The following EXOC4 variants were observed in gnomAD, a reference collection of about 807,000 sequenced individuals.
The protein encoded by EXOC4 is exocyst complex component 4, also known as SEC8-like 1.
EXOC4 carries 71 observed loss-of-function variants against 107.2 expected under a neutral mutation model. The observed-to-expected ratio is 0.66, with a 90% CI of 0.55 to 0.81. EXOC4 has a LOEUF of 0.81. Among genes scored for constraint, EXOC4 ranks in the 30% least tolerant of loss-of-function variants. The pLI is 0.00. For missense variants in EXOC4, 1,108 were observed against 1,189.6 expected, an observed-to-expected ratio of 0.93 and a Z score of 1.01; for synonymous variants, 456 against 441.2, an observed-to-expected ratio of 1.03 and a Z score of -0.42.
At chr7:133,698,670 A>G (rs1345722256) in intron 10 of EXOC4, among the ~76,000 whole-genome samples, 3 of 152,140 alleles carry the variant, frequency 2.0e-5, no homozygotes. Context: ...TTAAACTTAC[A>G]AAAACAGCAA....
intron 7 of EXOC4, among the ~76,000 whole-genome samples, chr7:133,460,773 G>A (rs1016614198): frequency 1.3e-5 from 2 of 152,210 alleles, no homozygotes; most frequent in East Asian, 3.9e-4. Flanking sequence ...AAGAGTTGGC[G>A]AAGTCAAGAA....
intron 17 of EXOC4, among the ~76,000 whole-genome samples, chr7:134,057,285 A>G (rs1465303424): frequency 6.6e-6 from 1 of 152,164 alleles, no homozygotes; most frequent in Non-Finnish European, 1.5e-5. Flanking sequence ...AATATAAGCA[A>G]TATGTTTTCT....
chr7:133,605,490 G>C (rs1020883746), intron 9 of EXOC4, among the ~76,000 whole-genome samples: 1 of 152,114 alleles, frequency 6.6e-6, no homozygotes, highest in Admixed American at 6.6e-5. Flanking sequence ...AAGTATAATG[G>C]AACCATGAAA....
chr7:133,390,853 A>C (rs1227092432), intron 7 of EXOC4, among the ~76,000 whole-genome samples: 3 of 152,222 alleles, frequency 2.0e-5, no homozygotes, highest in Non-Finnish European at 4.4e-5. Context: ...TCTGTGTTTT[A>C]TGAATACTTT....
intron 9 of EXOC4, among the ~76,000 whole-genome samples, chr7:133,516,461 C>T (rs980509047): frequency 5.9e-5 from 9 of 152,108 alleles, no homozygotes; most frequent in Middle Eastern, 3.2e-3. Context: ...TGTGGTCTTT[C>T]GTGACTGGCT....
intron 10 of EXOC4, chr7:133,733,397 C>G (rs959134512): frequency 1.3e-5 from 2 of 152,472 alleles, no homozygotes; most frequent in African/African-American, 4.8e-5. Flanking sequence ...GAGGCTGAGG[C>G]AGGAGAATCG....
In EXOC4 at chr7:133,267,070, C is replaced by T. The variant is rs1486650762; in HGVS notation, c.87-7912C>T. On this transcript the variant is annotated intron_variant, in intron 1 of 17. Transcript: ENST00000253861. ...TTAGCCCTGCATCTCTTTAGTCCCA[C>T]TTTCTCATTTGTATTTTACTTTTTA... 2.6e-5 allele frequency among the ~76,000 whole-genome samples: 4 copies of T among 152,296 alleles called. 1 individual carries two copies. The highest frequency in any genetic ancestry group is 2.6e-4 in the Admixed American group (4 of 15,298).
intron 13 of EXOC4, among the ~76,000 whole-genome samples, chr7:133,928,593 A>AACCCTCCTCCCGCTCCACGCTGC (rs1170793270): frequency 6.6e-6 from 1 of 152,050 alleles, no homozygotes; most frequent in Non-Finnish European, 1.5e-5. Flanking sequence ...TCCTCCCAGA[A>AACCCTCCTCCCGCTCCACGCTGC]ACCCTCCTCC....
intron 11 of EXOC4, chr7:133,895,332 A>G (rs1256503445): frequency 2.0e-5 from 7 of 350,024 alleles, no homozygotes; most frequent in Admixed American, 7.9e-5. Context: ...ACTGTCTGGC[A>G]CTCCCTAGTG....
chr7:133,691,390 C>T (rs1232511785), intron 10 of EXOC4, among the ~76,000 whole-genome samples: 2 of 152,108 alleles, frequency 1.3e-5, no homozygotes, highest in Admixed American at 6.5e-5. Context: ...TTATCTGTTC[C>T]TGGGAATGGG....
intron 7 of EXOC4, among the ~76,000 whole-genome samples, chr7:133,399,451 C>T (rs779420468): frequency 2.6e-5 from 4 of 152,304 alleles, no homozygotes; most frequent in Non-Finnish European, 2.9e-5. Context: ...GATTTGAGTG[C>T]GCGATTCTGT....
chr7:133,953,101 G>C (rs745780154), intron 14 of EXOC4, among the ~76,000 whole-genome samples: 1 of 152,132 alleles, frequency 6.6e-6, no homozygotes, highest in Non-Finnish European at 1.5e-5. Context: ...TTATATAAGT[G>C]ACGTCTTCTG....
intron 8 of EXOC4, among the ~76,000 whole-genome samples, chr7:133,478,742 C>G (rs1331615124): frequency 6.6e-6 from 1 of 152,094 alleles, no homozygotes; most frequent in Admixed American, 6.6e-5. Flanking sequence ...GCTATGTGTG[C>G]CTCTCTATTC....
At chr7:133,736,607 A>T (rs373346566) in intron 10 of EXOC4, among the ~76,000 whole-genome samples, 2 of 152,180 alleles carry the variant, frequency 1.3e-5, no homozygotes, top group Non-Finnish European at 2.9e-5. Context: ...AACATTCCCT[A>T]TGCCCATAAA....
chr7:133,561,497 A>G (rs1373551377), intron 9 of EXOC4, among the ~76,000 whole-genome samples: 1 of 152,176 alleles, frequency 6.6e-6, no homozygotes, highest in Non-Finnish European at 1.5e-5. Context: ...AAAATCATTT[A>G]TAGTGTGTTT....
chr7:134,028,971 G>T (rs1047626041), intron 17 of EXOC4, among the ~76,000 whole-genome samples: 5 of 152,192 alleles, frequency 3.3e-5, no homozygotes, highest in African/African-American at 1.2e-4. Flanking sequence ...GGATCCTCAG[G>T]TGGCCCCTTC....
At chr7:133,356,805 C>T (rs1796030899) in intron 6 of EXOC4, among the ~76,000 whole-genome samples, 1 of 152,106 alleles carries the variant, frequency 6.6e-6, no homozygotes, top group East Asian at 1.9e-4. Flanking sequence ...AGTAGTGAAA[C>T]CCTGTCTCTA....
At chr7:133,593,583 G>A (rs1364696926) in intron 9 of EXOC4, among the ~76,000 whole-genome samples, 2 of 152,112 alleles carry the variant, frequency 1.3e-5, no homozygotes, top group African/African-American at 2.4e-5. Context: ...ATTATCATAG[G>A]GGATGTTTAT....
At chr7:134,099,603 C>T in the EXOC4 span, among the ~76,000 whole-genome samples, 2 of 145,332 alleles carry the variant, frequency 1.4e-5, no homozygotes, top group Non-Finnish European at 3.0e-5. Context: ...GATCTTGGCT[C>T]ACTGCAGGCT....
Sources: allele counts gnomAD v4.1 joint callset (sites outside exome capture counted in the v4.1 genomes callset), GRCh38; gene constraint gnomAD v4.1.1; transcripts MANE v1.5; gene names NCBI Gene and HGNC (gene_info 2026-07-23, HGNC 2026-07-21).